FSTL4: variants seen among roughly 807,000 people sequenced by gnomAD.
FSTL4 encodes follistatin-related protein 4.
FSTL4 carries 28 observed loss-of-function variants against 78.2 expected under a neutral mutation model. The ratio of observed to expected loss-of-function variants is 0.36; its 90% CI spans 0.27 to 0.49. The LOEUF is 0.49. Among genes scored for constraint, FSTL4 ranks in the 20% least tolerant of loss-of-function variants. The pLI is 0.98. For synonymous variants in FSTL4, 422 were observed against 440.5 expected (o/e 0.96, Z 0.53); for missense variants, 922 against 1,084.9 (o/e 0.85, Z 2.11).
At chr5:133,490,122 T>G (rs1222329969) in intron 3 of FSTL4, among the ~76,000 whole-genome samples, 1 of 150,552 alleles carries the variant, frequency 6.6e-6, no homozygotes, top group Non-Finnish European at 1.5e-5. Context: ...GTCTCCCATC[T>G]TTGCCTCATT....
intron 3 of FSTL4, among the ~76,000 whole-genome samples, chr5:133,481,305 C>T (rs985461930): frequency 2.0e-4 from 31 of 152,258 alleles, no homozygotes; most frequent in African/African-American, 7.2e-4. Context: ...CTTGGGGAGG[C>T]TGAGGTGGGT....
the FSTL4 span, among the ~76,000 whole-genome samples, chr5:133,653,752 G>T: frequency 1.4e-4 from 22 of 152,260 alleles, no homozygotes; most frequent in Non-Finnish European, 2.6e-4. Context: ...GCCTGTCAGG[G>T]TCCGAGAAGA....
chr5:133,456,049 C>T (rs1451928002), intron 3 of FSTL4, among the ~76,000 whole-genome samples: 5 of 152,178 alleles, frequency 3.3e-5, no homozygotes, highest in African/African-American at 7.2e-5. Context: ...CAGGGGAGGG[C>T]GTTCTGGGGA....
At chr5:133,425,614 A>T (rs1756794968) in intron 3 of FSTL4, among the ~76,000 whole-genome samples, 1 of 152,226 alleles carries the variant, frequency 6.6e-6, no homozygotes. Flanking sequence ...CCACTGTTGG[A>T]TATTCATTTC....
In FSTL4 at chr5:133,316,732, C is replaced by A; in HGVS notation, c.410-80G>T. On this transcript the variant is annotated intron_variant, in intron 4 of 15. Coordinates refer to ENST00000265342, the MANE Select transcript of FSTL4 (RefSeq NM_015082.2). ...ACATTCTTGCCGCTGGTCCATTCAT[C>A]TCACTCACAAATAGCCACCAGGCGT... is the stretch of plus-strand genomic sequence containing the variant. The A allele has an allele frequency of 2.5e-6, 3 of 1,221,008 alleles. No homozygotes were observed. In the South Asian group the frequency reaches 4.2e-5, roughly 17 times the overall value. 75.6% of individuals were successfully genotyped at this position (1,221,008 alleles called of 1,614,324 possible). A position where few individuals can be genotyped will look rare whatever the true frequency, so the allele number is the denominator to read the frequency against.
chr5:133,240,626 C>T (rs1285515965), intron 7 of FSTL4, among the ~76,000 whole-genome samples: 1 of 152,156 alleles, frequency 6.6e-6, no homozygotes, highest in African/African-American at 2.4e-5. Flanking sequence ...GGTCAGTCTT[C>T]TTCTGACTGT....
At chr5:133,630,781 A>G in the FSTL4 span, among the ~76,000 whole-genome samples, 2 of 152,222 alleles carry the variant, frequency 1.3e-5, no homozygotes, top group South Asian at 4.1e-4. Context: ...TTGTACTGGT[A>G]CCAAAACTGA....
chr5:133,281,470 C>T (rs1753009019), intron 6 of FSTL4, among the ~76,000 whole-genome samples: 1 of 152,170 alleles, frequency 6.6e-6, no homozygotes, highest in Non-Finnish European at 1.5e-5. Context: ...TGTACAATTA[C>T]TTCCATTGTA....
At chr5:133,207,145 A>T (rs1391632363) in intron 14 of FSTL4, among the ~76,000 whole-genome samples, 1 of 152,132 alleles carries the variant, frequency 6.6e-6, no homozygotes, top group African/African-American at 2.4e-5. Flanking sequence ...AAGGCTTTCT[A>T]TGTTTTTATT....
At chr5:133,490,214 A>G (rs1175133369) in intron 3 of FSTL4, among the ~76,000 whole-genome samples, 1 of 152,000 alleles carries the variant, frequency 6.6e-6, no homozygotes, top group Non-Finnish European at 1.5e-5. Context: ...CAGGTGTCAC[A>G]GAGTACTAGT....
chr5:133,828,955 G>A, the FSTL4 span, among the ~76,000 whole-genome samples: 690 of 152,256 alleles, frequency 4.5e-3, 3 homozygotes, highest in African/African-American at 0.014. Flanking sequence ...ACATAACAGC[G>A]GGCAGGCAGC....
chr5:133,345,897 C>G (rs1463489055), intron 4 of FSTL4, among the ~76,000 whole-genome samples: 1 of 152,152 alleles, frequency 6.6e-6, no homozygotes, highest in Non-Finnish European at 1.5e-5. Context: ...TGGGTATATA[C>G]CCAAAGGACT....
Position 133,492,821 on chromosome 5 carries a change from TTAA to T in FSTL4, c.160+74362_160+74364del, listed in dbSNP as rs537876086. Among the ~76,000 whole-genome samples the T allele has an allele frequency of 3.2e-3, 485 of 152,204 alleles. 1 individual carries two copies. Among genetic ancestry groups the T allele is most frequent in the African/African-American group, 0.011 (469 of 41,576 alleles). On this transcript the variant is annotated intron_variant, in intron 3 of 15. Coordinates refer to ENST00000265342, the MANE Select transcript of FSTL4 (RefSeq NM_015082.2). ...CTACCCTACTTGTTCTTCAAAACTC[TTAA>T]TAATATCTTTTAACAATATTTCTTA...
intron 3 of FSTL4, among the ~76,000 whole-genome samples, chr5:133,409,773 C>G (rs1756441680): frequency 6.6e-6 from 1 of 152,162 alleles, no homozygotes. Flanking sequence ...GGATAGAGAG[C>G]TGAGTAATCC....
At chr5:133,232,170 T>G (rs1751512821) in intron 8 of FSTL4, among the ~76,000 whole-genome samples, 1 of 152,234 alleles carries the variant, frequency 6.6e-6, no homozygotes, top group African/African-American at 2.4e-5. Context: ...ATCACGTCAG[T>G]GCTCGGGCCG....
chr5:133,658,891 A>G, the FSTL4 span, among the ~76,000 whole-genome samples: 12 of 152,268 alleles, frequency 7.9e-5, no homozygotes, highest in East Asian at 1.7e-3. Context: ...GTATAGCCCA[A>G]TGCTATTTGG....
At chr5:133,548,077 T>G (rs1759618924) in intron 3 of FSTL4, among the ~76,000 whole-genome samples, 1 of 152,196 alleles carries the variant, frequency 6.6e-6, no homozygotes, top group Admixed American at 6.6e-5. Context: ...AGCTCTGCAT[T>G]TAGGACCCTC....
rs763885906 is a variant in FSTL4, at chr5:133,225,785, C to G, written c.1050G>C (p.Gln350His). The change falls in exon 9 of 16, where the codon CAG becomes CAC. Residue 350 changes from glutamine to histidine, a missense_variant. By Grantham distance (24) the Gln-to-His change is conservative (BLOSUM62 0). Coordinates refer to ENST00000265342, the MANE Select transcript of FSTL4 (RefSeq NM_015082.2). The surrounding 1 kb of genome is among the most constrained non-coding windows in gnomAD (Gnocchi z 4.6). ...PPVIRVYPES[Q>H]AQEPGVAASL... The stretch of plus-strand genomic sequence containing the variant: ...TGGCTGCCACTCCAGGCTCCTGTGC[C>G]TGGCTCTCTGGATAGACACGGATGA... 6.2e-7 allele frequency: 1 copy of G among 1,604,202 alleles called. No homozygotes were observed. Among genetic ancestry groups the G allele is most frequent in the Non-Finnish European group, 8.5e-7 (1 of 1,175,594 alleles).
chr5:133,292,653 T>C (rs1462329888), intron 6 of FSTL4, among the ~76,000 whole-genome samples: 1 of 151,962 alleles, frequency 6.6e-6, no homozygotes, highest in East Asian at 1.9e-4. Flanking sequence ...ACCTTCATTT[T>C]CAGAAAATCC....
Sources: gnomAD v4.1 joint callset for allele counts (sites outside exome capture counted in the v4.1 genomes callset) on GRCh38, gnomAD v4.1.1 for gene constraint, Gnocchi (gnomAD v3.1) non-coding constraint, MANE v1.5 for transcripts, NCBI Gene and HGNC (gene_info 2026-07-23, HGNC 2026-07-21) for gene names.